Variants in NELL1 observed in about 807,000 individuals in gnomAD.
NELL1 encodes the protein protein kinase C-binding protein NELL1.
In NELL1, 76 loss-of-function variants were observed where a neutral mutation model predicts 107.4. The observed-to-expected ratio is 0.71, with a 90% confidence interval of 0.59 to 0.86. The LOEUF is 0.86. NELL1 is among the 40% of genes least tolerant of loss of function. The pLI, the probability that NELL1 is intolerant of heterozygous loss-of-function variation, is 0.00. For missense variants in NELL1, 1,024 were observed against 1,005.5 expected, an observed-to-expected ratio of 1.02 and a Z score of -0.25; for synonymous variants, 353 against 341.2, an observed-to-expected ratio of 1.03 and a Z score of -0.38.
chr11:21,367,973 T>G (rs1256734936), intron 14 of NELL1, among the ~76,000 whole-genome samples: 1 of 152,122 alleles, frequency 6.6e-6, no homozygotes, highest in Non-Finnish European at 1.5e-5. Context: ...GCTGAGTTCA[T>G]AGTCAATCAA....
At chr11:21,439,077 G>A (rs1327329283) in intron 15 of NELL1, among the ~76,000 whole-genome samples, 3 of 136,924 alleles carry the variant, frequency 2.2e-5, no homozygotes, top group African/African-American at 5.8e-5. Flanking sequence ...TAATAGAGGT[G>A]TGACATAAAA....
chr11:21,488,984 G>T (rs1341484598), intron 15 of NELL1, among the ~76,000 whole-genome samples: 3 of 151,484 alleles, frequency 2.0e-5, no homozygotes, highest in African/African-American at 4.8e-5. Context: ...TAAATATAAA[G>T]AATCAATGAA....
chr11:20,910,674 G>T (rs1380518338), intron 5 of NELL1, among the ~76,000 whole-genome samples: 1 of 152,194 alleles, frequency 6.6e-6, no homozygotes, highest in African/African-American at 2.4e-5. Context: ...TATAGTTTAT[G>T]TGGGTGTTTA....
chr11:20,827,282 C>T (rs1184036082), intron 3 of NELL1, among the ~76,000 whole-genome samples: 1 of 151,274 alleles, frequency 6.6e-6, no homozygotes, highest in African/African-American at 2.4e-5. Flanking sequence ...TCTGTAGATA[C>T]TGTCAGTGCT....
At chr11:20,995,225 G>A (rs1164858387) in intron 12 of NELL1, among the ~76,000 whole-genome samples, 1 of 151,928 alleles carries the variant, frequency 6.6e-6, no homozygotes, top group Non-Finnish European at 1.5e-5. Flanking sequence ...TCCTTTTCTT[G>A]TGATTAATAG....
At chr11:20,891,100 G>A (rs189476976) in intron 5 of NELL1, among the ~76,000 whole-genome samples, 1 of 152,192 alleles carries the variant, frequency 6.6e-6, no homozygotes, top group Non-Finnish European at 1.5e-5. Context: ...AACTGTTAAG[G>A]GCAGCCAGAG....
intron 15 of NELL1, among the ~76,000 whole-genome samples, chr11:21,412,987 C>T (rs1346964597): frequency 3.3e-5 from 5 of 152,132 alleles, no homozygotes; most frequent in Non-Finnish European, 7.4e-5. Flanking sequence ...TTATGGCACA[C>T]TCTCTAGTCT....
At chr11:20,782,389 T>C (rs74668059) in intron 2 of NELL1, among the ~76,000 whole-genome samples, 41,350 of 151,790 alleles carry the variant, frequency 0.27, 6,465 homozygotes, top group African/African-American at 0.43. Flanking sequence ...TACTTGCAGA[T>C]GGGAAAGACT....
At chr11:21,085,709 A>G (rs1016213602) in intron 12 of NELL1, among the ~76,000 whole-genome samples, 8 of 152,230 alleles carry the variant, frequency 5.3e-5, no homozygotes, top group African/African-American at 1.9e-4. Flanking sequence ...GGAATTTGAA[A>G]CATTCAAAGA....
chr11:21,185,293 CTTTTTTTTTTT>C (rs11446941), intron 13 of NELL1, among the ~76,000 whole-genome samples: 22 of 118,498 alleles, frequency 1.9e-4, no homozygotes, highest in Non-Finnish European at 3.5e-4. Context: ...ATTCCAGTAT[CTTTTTTTTTTT>C]TTTTTTTTGA....
intron 12 of NELL1, among the ~76,000 whole-genome samples, chr11:21,091,039 A>G (rs1008439280): frequency 3.9e-5 from 6 of 152,228 alleles, no homozygotes; most frequent in African/African-American, 1.2e-4. Context: ...AAGATGATGA[A>G]TACACATTTT....
At chr11:21,108,974 A>G (rs911901507) in intron 12 of NELL1, among the ~76,000 whole-genome samples, 3 of 152,248 alleles carry the variant, frequency 2.0e-5, no homozygotes, top group African/African-American at 7.2e-5. Flanking sequence ...CATAGCATCA[A>G]AATGTTATTG....
At chr11:21,016,125 C>T (rs946634385) in intron 12 of NELL1, among the ~76,000 whole-genome samples, 32 of 152,120 alleles carry the variant, frequency 2.1e-4, no homozygotes, top group African/African-American at 7.0e-4. Flanking sequence ...CGAATATATC[C>T]GAAGCCTTAC....
intron 14 of NELL1, among the ~76,000 whole-genome samples, chr11:21,303,104 A>ATATC (rs1395943182): frequency 1.3e-5 from 2 of 151,080 alleles, no homozygotes; most frequent in East Asian, 3.9e-4. Context: ...ATCTATATCT[A>ATATC]TATCTATATC....
intron 14 of NELL1, chr11:21,262,523 T>A (rs1292755464): frequency 6.6e-6 from 1 of 151,930 alleles, no homozygotes; most frequent in African/African-American, 2.4e-5. Context: ...ATATACATTT[T>A]AAAAATAATT....
intron 14 of NELL1, among the ~76,000 whole-genome samples, chr11:21,335,143 T>C (rs910025167): frequency 2.6e-5 from 4 of 152,074 alleles, no homozygotes; most frequent in Non-Finnish European, 1.5e-5. Context: ...AACATAAAAG[T>C]TGAAATGTTT....
intron 15 of NELL1, among the ~76,000 whole-genome samples, chr11:21,477,251 T>G (rs1854360265): frequency 6.6e-6 from 1 of 152,112 alleles, no homozygotes; most frequent in African/African-American, 2.4e-5. Context: ...TGCCTTGTAA[T>G]GTGGATACTG....
chr11:21,572,668 G>A (rs1454233094), intron 18 of NELL1, among the ~76,000 whole-genome samples: 1 of 151,782 alleles, frequency 6.6e-6, no homozygotes, highest in Non-Finnish European at 1.5e-5. Context: ...AAACCATTCT[G>A]AAATGGTTAT....
intron 2 of NELL1, among the ~76,000 whole-genome samples, chr11:20,740,087 A>G (rs2133932766): frequency 6.6e-6 from 1 of 152,348 alleles, no homozygotes; most frequent in African/African-American, 2.4e-5. Flanking sequence ...CAGTGAGGGA[A>G]GAATAGCCAA....
Sources: gnomAD v4.1 joint callset for allele counts (sites outside exome capture counted in the v4.1 genomes callset) on GRCh38, gnomAD v4.1.1 for gene constraint, MANE v1.5 for transcripts, NCBI Gene and HGNC (gene_info 2026-07-23, HGNC 2026-07-21) for gene names.